The following SGSM1 variants were observed in gnomAD, a reference collection of about 807,000 sequenced individuals.
SGSM1 encodes small G protein signaling modulator 1.
Under a neutral mutation model 133.8 loss-of-function variants are expected in SGSM1, and 73 were observed. That is an observed-to-expected ratio of 0.55 (90% CI 0.45 to 0.66). The LOEUF is 0.66. SGSM1 is among the 30% of genes least tolerant of loss of function. The probability of loss-of-function intolerance (pLI) is 0.00; values close to 1 mark genes in which losing one functional copy is unlikely to be tolerated. For synonymous variants in SGSM1, 563 were observed against 573.0 expected, an observed-to-expected ratio of 0.98 and a Z score of 0.25; for missense variants, 1,213 against 1,448.1, an observed-to-expected ratio of 0.84 and a Z score of 2.64.
At chr22:24,893,085 G>T (rs73403295) in intron 16 of SGSM1, among the ~76,000 whole-genome samples, 15 of 151,136 alleles carry the variant, frequency 9.9e-5, no homozygotes, top group Middle Eastern at 3.4e-3. Flanking sequence ...GAAGCGGAGG[G>T]GGGGGAGGGA....
At chr22:24,836,748 T>G (rs1029648419) in intron 2 of SGSM1, among the ~76,000 whole-genome samples, 5 of 152,238 alleles carry the variant, frequency 3.3e-5, no homozygotes, top group African/African-American at 7.2e-5. Context: ...AAATGCCTAT[T>G]CAAGTCCTTT....
At chr22:24,824,785 C>T (rs1287159659) in intron 2 of SGSM1, among the ~76,000 whole-genome samples, 4 of 152,150 alleles carry the variant, frequency 2.6e-5, no homozygotes, top group Non-Finnish European at 4.4e-5. Context: ...TTCCCCACTA[C>T]GCTGTCAGGT....
At position 24,876,572 on chromosome 22, in the gene SGSM1, C is replaced by G; in HGVS notation, c.1292-5C>G. On this transcript the variant is annotated splice_polypyrimidine_tract_variant and splice_region_variant and intron_variant, in intron 12 of 24. Transcript: ENST00000400358. ...TTCTTCTGCCCCTCCTTCTATCCAC[C>G]ACAGTGCCCCAGGATCTGATGGACG... 1 of 1,613,964 alleles carries G rather than the reference C, an allele frequency of 6.2e-7. No individual in the cohort carries two copies. The highest frequency in any genetic ancestry group is 8.5e-7 in the Non-Finnish European group (1 of 1,179,872).
Position 24,905,188 on chromosome 22 carries a change from G to A in SGSM1, c.2818+1G>A. The A allele has an allele frequency of 6.2e-7, 1 of 1,613,880 alleles. No individual in the cohort carries two copies. The highest frequency in any genetic ancestry group is 8.5e-7 in the Non-Finnish European group (1 of 1,179,772). On this transcript the variant is annotated splice_donor_variant, in intron 21 of 24. Transcript: ENST00000400358. LOFTEE classifies it high-confidence loss of function. The stretch of plus-strand genomic sequence containing the variant: ...CCACTGCTGGTCATTCTGGATGATG[G>A]TGAGTGTGTCTTTACTGCCCTAGGG...
At chr22:24,828,146 A>G (rs1281041301) in intron 2 of SGSM1, among the ~76,000 whole-genome samples, 2 of 152,098 alleles carry the variant, frequency 1.3e-5, no homozygotes, top group Non-Finnish European at 2.9e-5. Flanking sequence ...ATCCCTTCTC[A>G]TGGGTTTCCT....
chr22:24,833,852 G>T (rs1485116003), intron 2 of SGSM1, among the ~76,000 whole-genome samples: 1 of 152,196 alleles, frequency 6.6e-6, no homozygotes, highest in Non-Finnish European at 1.5e-5. Context: ...AGGAATAAGT[G>T]GGGACACCCT....
At chr22:24,820,741 C>G (rs997916614) in intron 2 of SGSM1, among the ~76,000 whole-genome samples, 1 of 152,200 alleles carries the variant, frequency 6.6e-6, no homozygotes, top group Non-Finnish European at 1.5e-5. Flanking sequence ...ATCCATTCAC[C>G]AGCATTTGCT....
intron 2 of SGSM1, among the ~76,000 whole-genome samples, chr22:24,843,294 G>A (rs896675201): frequency 6.6e-6 from 1 of 152,300 alleles, no homozygotes; most frequent in Non-Finnish European, 1.5e-5. Context: ...TGGTGAGCCA[G>A]CTCTAGGGGG....
chr22:24,887,107 T>TGTGTG (rs1932651070), intron 16 of SGSM1, among the ~76,000 whole-genome samples: 64 of 145,316 alleles, frequency 4.4e-4, no homozygotes, highest in African/African-American at 1.6e-3. Context: ...TTGTACTTAT[T>TGTGTG]TGTGTGTGTG....
At chr22:24,891,422 A>G (rs1932812418) in intron 16 of SGSM1, among the ~76,000 whole-genome samples, 3 of 152,198 alleles carry the variant, frequency 2.0e-5, no homozygotes, top group Admixed American at 2.0e-4. Flanking sequence ...GCATAGGAGC[A>G]CCAGACTGGC....
chr22:24,871,746 G>C (rs899642746), intron 12 of SGSM1, among the ~76,000 whole-genome samples: 1 of 152,174 alleles, frequency 6.6e-6, no homozygotes, highest in Non-Finnish European at 1.5e-5. Flanking sequence ...CAGGGAGAGG[G>C]CATTGTGGTT....
chr22:24,922,544 C>T (rs1191625905), intron 24 of SGSM1, among the ~76,000 whole-genome samples: 4 of 148,820 alleles, frequency 2.7e-5, no homozygotes, highest in South Asian at 4.2e-4. Context: ...GGCGCGATCT[C>T]GACTCACTGC....
rs1210543160 is a variant in SGSM1 at position 24,902,015 on chromosome 22, G to T, written c.2735+58G>T. ...GGGGATGGTGGGTGGGTGGGATGGG[G>T]GATGTAGGGGGCCCGCCTAGAAGTT... On this transcript the variant is annotated intron_variant, in intron 20 of 24. Transcript: ENST00000400358. The T allele has an allele frequency of 7.0e-6, 10 of 1,426,284 alleles. No individual in the cohort carries two copies. The South Asian group carries it at 1.3e-4, about 19-fold the overall frequency. 88.4% of individuals were successfully genotyped at this position (1,426,284 alleles called of 1,614,324 possible).
At chr22:24,914,439 G>A (rs1933746980) in intron 22 of SGSM1, among the ~76,000 whole-genome samples, 1 of 151,494 alleles carries the variant, frequency 6.6e-6, no homozygotes, top group African/African-American at 2.4e-5. Flanking sequence ...TAGCCCCATT[G>A]CACACCAACC....
intron 5 of SGSM1, among the ~76,000 whole-genome samples, chr22:24,851,452 G>A (rs1930476223): frequency 1.5e-5 from 1 of 64,594 alleles, no homozygotes; most frequent in Admixed American, 1.4e-4. Context: ...GGTGGGGGGA[G>A]AGAGAGAGAG....
chr22:24,906,783 TAAAAA>T (rs796798298), intron 21 of SGSM1, among the ~76,000 whole-genome samples: 1 of 147,998 alleles, frequency 6.8e-6, no homozygotes, highest in Non-Finnish European at 1.5e-5. Context: ...AAATAAAACA[TAAAAA>T]AAAGTAAACA....
At chr22:24,917,557 C>T (rs529369115) in intron 22 of SGSM1, 101 bp from the exon 23 acceptor site, 91 of 731,940 alleles carry the variant, frequency 1.2e-4, no homozygotes, top group African/African-American at 1.2e-3. Context: ...TGTTAAGGAC[C>T]GTATGGTGTC....
rs140083554 is a variant in SGSM1 at position 24,881,561 on chromosome 22, G to A, written c.1495+2035G>A. 9.9e-3 allele frequency among the ~76,000 whole-genome samples: 1,461 copies of A among 146,988 alleles called. 13 individuals carry two copies. Among genetic ancestry groups the A allele is most frequent in the Middle Eastern group, 0.025 (7 of 278 alleles). ...AGCCTGGGTGACAGAGCGAGACTCCGTCTCAAAAACAAAACAAAACAAAAC... is the reference window on the plus strand; with the variant it reads ...AGCCTGGGTGACAGAGCGAGACTCCATCTCAAAAACAAAACAAAACAAAAC... On this transcript the variant is annotated intron_variant, in intron 14 of 24. Transcript: ENST00000400358.
chr22:24,853,978 C>G (rs145544282), intron 5 of SGSM1, among the ~76,000 whole-genome samples: 1 of 149,978 alleles, frequency 6.7e-6, no homozygotes, highest in Non-Finnish European at 1.5e-5. Context: ...AAGCAGAAAC[C>G]CCTGATAAAC....
Sources: gnomAD v4.1 joint callset for allele counts (sites outside exome capture counted in the v4.1 genomes callset) on GRCh38, gnomAD v4.1.1 for gene constraint, MANE v1.5 for transcripts, NCBI Gene and HGNC (gene_info 2026-07-23, HGNC 2026-07-21) for gene names.